PRICKLE2: variants seen among roughly 807,000 people sequenced by gnomAD.
PRICKLE2 encodes prickle planar cell polarity protein 2.
PRICKLE2 carries 21 observed loss-of-function variants against 81.4 expected under a neutral mutation model. The observed-to-expected ratio is 0.26, with a 90% confidence interval of 0.18 to 0.37. PRICKLE2 has a LOEUF of 0.37. Among genes scored for constraint, PRICKLE2 ranks in the 10% least tolerant of loss-of-function variants. The pLI, the probability that PRICKLE2 is intolerant of heterozygous loss-of-function variation, is 1.00. For missense variants in PRICKLE2, 940 were observed against 1,109.0 expected (o/e 0.85, Z 2.16); for synonymous variants, 456 against 421.5 (o/e 1.08, Z -1.00).
chr3:64,141,462 G>A (rs1283128407), intron 7 of PRICKLE2, among the ~76,000 whole-genome samples: 4 of 152,214 alleles, frequency 2.6e-5, no homozygotes, highest in African/African-American at 4.8e-5. Flanking sequence ...AATAATGTCA[G>A]TTGTTCTTGA....
upstream of PRICKLE2, among the ~76,000 whole-genome samples, chr3:64,227,764 C>G (rs575446335): frequency 3.3e-5 from 5 of 152,226 alleles, no homozygotes; most frequent in East Asian, 9.7e-4. Flanking sequence ...TAACACTGAG[C>G]CTGTTACATA....
chr3:64,103,237 G>A (rs540911345), intron 7 of PRICKLE2: 1 of 152,290 alleles, frequency 6.6e-6, no homozygotes, highest in Middle Eastern at 3.4e-3. Context: ...GCGTCTAGTA[G>A]GTAGAGGCCA....
chr3:64,222,590 G>A (rs2078972189), intron 1 of PRICKLE2, among the ~76,000 whole-genome samples: 1 of 152,162 alleles, frequency 6.6e-6, no homozygotes, highest in African/African-American at 2.4e-5. Flanking sequence ...GACAGACTGG[G>A]CCATGGTAGG....
At chr3:64,185,051 G>T (rs931623342) in intron 2 of PRICKLE2, among the ~76,000 whole-genome samples, 1 of 152,142 alleles carries the variant, frequency 6.6e-6, no homozygotes, top group Non-Finnish European at 1.5e-5. Context: ...GAAGAGAAAG[G>T]AGACTATAAT....
intron 7 of PRICKLE2, among the ~76,000 whole-genome samples, chr3:64,123,296 T>C (rs373681207): frequency 6.6e-6 from 1 of 152,204 alleles, no homozygotes; most frequent in Non-Finnish European, 1.5e-5. Flanking sequence ...GTGAGCTATA[T>C]GGACCAACAG....
At chr3:64,108,999 C>G (rs2106949515) in intron 7 of PRICKLE2, among the ~76,000 whole-genome samples, 1 of 152,202 alleles carries the variant, frequency 6.6e-6, no homozygotes. Flanking sequence ...CCCTGGAGGG[C>G]AAAATCGCCC....
intron 7 of PRICKLE2, chr3:64,100,532 T>C (rs561035800): frequency 1.3e-5 from 2 of 154,298 alleles, no homozygotes; most frequent in Non-Finnish European, 2.9e-5. Context: ...AAATATTTAC[T>C]CTCTCAGACC....
At chr3:64,205,956 C>T (rs937184853) in intron 1 of PRICKLE2, among the ~76,000 whole-genome samples, 47 of 152,242 alleles carry the variant, frequency 3.1e-4, no homozygotes, top group African/African-American at 1.1e-3. Context: ...TTCCTAGACT[C>T]CACGAAGTCA....
intron 1 of PRICKLE2, among the ~76,000 whole-genome samples, chr3:64,207,013 T>A (rs943039595): frequency 4.6e-5 from 7 of 151,640 alleles, no homozygotes; most frequent in Non-Finnish European, 8.8e-5. Context: ...AATCCTCCCA[T>A]CTCAGCCTCC....
intron 2 of PRICKLE2, among the ~76,000 whole-genome samples, chr3:64,255,206 A>C (rs1262758452): frequency 6.6e-6 from 1 of 152,206 alleles, no homozygotes; most frequent in African/African-American, 2.4e-5. Context: ...CCCTCCATGC[A>C]CAAGTTTACT....
At chr3:64,175,533 T>C (rs972429437) in intron 2 of PRICKLE2, among the ~76,000 whole-genome samples, 2 of 152,218 alleles carry the variant, frequency 1.3e-5, no homozygotes, top group African/African-American at 4.8e-5. Context: ...GAAATTTTCT[T>C]CTTGAATTTC....
At chr3:64,257,659 C>T (rs1007578717) in intron 2 of PRICKLE2, among the ~76,000 whole-genome samples, 1 of 152,016 alleles carries the variant, frequency 6.6e-6, no homozygotes, top group Admixed American at 6.5e-5. Flanking sequence ...AGAGTGGTGG[C>T]TCAAAAGATT....
chr3:64,168,034 T>G (rs2077864821), intron 2 of PRICKLE2, among the ~76,000 whole-genome samples: 1 of 152,184 alleles, frequency 6.6e-6, no homozygotes, highest in African/African-American at 2.4e-5. Flanking sequence ...GAGAACTTGT[T>G]GGACCTCACC....
intron 2 of PRICKLE2, among the ~76,000 whole-genome samples, chr3:64,243,698 T>C (rs954951485): frequency 4.6e-5 from 7 of 152,186 alleles, no homozygotes; most frequent in African/African-American, 1.4e-4. Context: ...GCCTGACACA[T>C]AGTAATAGTG....
chr3:64,175,794 GA>G (rs1462922867), intron 2 of PRICKLE2, among the ~76,000 whole-genome samples: 3 of 152,096 alleles, frequency 2.0e-5, no homozygotes, highest in Non-Finnish European at 2.9e-5. Flanking sequence ...ACAAAAGAAT[GA>G]AAATACACTG....
chr3:64,146,289 C>T (rs2077449426), intron 7 of PRICKLE2: 1 of 163,046 alleles, frequency 6.1e-6, no homozygotes, highest in African/African-American at 2.4e-5. Flanking sequence ...CTCTCACTCC[C>T]CTTCTCCTGA....
At chr3:64,106,760 G>A (rs948989447) in intron 7 of PRICKLE2, among the ~76,000 whole-genome samples, 10 of 152,188 alleles carry the variant, frequency 6.6e-5, no homozygotes, top group African/African-American at 2.4e-4. Flanking sequence ...GCCATGGGGT[G>A]TGTGTGTGTC....
chr3:64,201,235 T>G (rs2078572668), intron 1 of PRICKLE2, among the ~76,000 whole-genome samples: 1 of 152,138 alleles, frequency 6.6e-6, no homozygotes, highest in Admixed American at 6.5e-5. Flanking sequence ...GGCCAAAGTT[T>G]TTAATTCTTT....
At chr3:64,266,515 G>A (rs1179605351) in intron 2 of PRICKLE2, among the ~76,000 whole-genome samples, 1 of 152,068 alleles carries the variant, frequency 6.6e-6, no homozygotes, top group African/African-American at 2.4e-5. Flanking sequence ...TGGCCCCATG[G>A]GAAGATGCTT....
Sources: gnomAD v4.1 joint callset for allele counts (sites outside exome capture counted in the v4.1 genomes callset) on GRCh38, gnomAD v4.1.1 for gene constraint, MANE v1.5 for transcripts, NCBI Gene and HGNC (gene_info 2026-07-23, HGNC 2026-07-21) for gene names.